METTL15: variants seen among roughly 807,000 people sequenced by gnomAD.
METTL15 encodes the protein 12S rRNA N(4)-cytidine methyltransferase METTL15.
Under a neutral mutation model 38.3 loss-of-function variants are expected in METTL15, and 34 were observed. The ratio of observed to expected loss-of-function variants is 0.89; its 90% CI spans 0.68 to 1.18. The LOEUF is 1.18. Ranked by LOEUF, METTL15 falls within the 50% of genes most tolerant of loss-of-function variation. METTL15 has a pLI of 0.00. For synonymous variants in METTL15, 162 were observed against 170.9 expected (o/e 0.95, Z 0.41); for missense variants, 438 against 498.4 (o/e 0.88, Z 1.15).
intron 3 of METTL15, among the ~76,000 whole-genome samples, chr11:28,187,678 A>G (rs1240371399): frequency 6.6e-6 from 1 of 150,970 alleles, no homozygotes; most frequent in Non-Finnish European, 1.5e-5. Flanking sequence ...GAATATGTTT[A>G]TGTTTGCTCC....
intron 3 of METTL15, among the ~76,000 whole-genome samples, chr11:28,199,120 T>C (rs1294003981): frequency 6.6e-6 from 1 of 152,134 alleles, no homozygotes; most frequent in Non-Finnish European, 1.5e-5. Context: ...GGAGGCGCAA[T>C]ATTCCCAAAG....
Position 28,489,817 on chromosome 11 carries a change from G to A in METTL15, c.*425-36661G>A, listed in dbSNP as rs547621131. ...AGAATTTCAGCAAGGATTAGATGAAGAAAATGGAGAGAAATTCAAGCTGGC... is the reference window on the plus strand; with the variant it reads ...AGAATTTCAGCAAGGATTAGATGAAAAAAATGGAGAGAAATTCAAGCTGGC... On this transcript the variant is annotated intron_variant and NMD_transcript_variant, in intron 6 of 7. Coordinates refer to the METTL15 transcript ENST00000532947. Among the ~76,000 whole-genome samples the A allele has an allele frequency of 1.4e-4, 22 of 152,230 alleles. No homozygotes were observed. The South Asian group carries it at 4.6e-3, about 32-fold the overall frequency.
intron 6 of METTL15, among the ~76,000 whole-genome samples, chr11:28,492,532 A>ACC (rs1055693083): frequency 3.3e-5 from 5 of 151,762 alleles, no homozygotes; most frequent in African/African-American, 1.2e-4. Context: ...ACACACACAC[A>ACC]CACACACACA....
chr11:28,373,224 T>G (rs376234762), intron 5 of METTL15, among the ~76,000 whole-genome samples: 5 of 152,098 alleles, frequency 3.3e-5, no homozygotes, highest in African/African-American at 4.8e-5. Context: ...TGAACTAGTT[T>G]ACAGTCCCAC....
intron 4 of METTL15, among the ~76,000 whole-genome samples, chr11:28,246,663 A>G (rs1228472000): frequency 6.6e-6 from 1 of 152,150 alleles, no homozygotes; most frequent in Non-Finnish European, 1.5e-5. Context: ...TACCATGACA[A>G]CAAGGGAAAA....
chr11:28,167,183 G>A (rs1436009111), intron 3 of METTL15, among the ~76,000 whole-genome samples: 6 of 151,898 alleles, frequency 4.0e-5, no homozygotes, highest in South Asian at 2.1e-4. Context: ...TTATTACAGC[G>A]GGAGTTAGGA....
chr11:28,482,525 C>T (rs79509437), intron 6 of METTL15, among the ~76,000 whole-genome samples: 1,626 of 152,288 alleles, frequency 0.011, 22 homozygotes, highest in Non-Finnish European at 0.019. Context: ...TCCTAATTCT[C>T]GTTATTAGTA....
intron 6 of METTL15, among the ~76,000 whole-genome samples, chr11:28,476,775 G>A (rs1000578256): frequency 8.5e-5 from 13 of 152,140 alleles, no homozygotes; most frequent in African/African-American, 3.1e-4. Context: ...GTGATCTATG[G>A]TGTAGCTTAG....
chr11:28,212,127 A>G (rs1852667611), intron 4 of METTL15, among the ~76,000 whole-genome samples: 1 of 152,022 alleles, frequency 6.6e-6, no homozygotes, highest in South Asian at 2.1e-4. Context: ...CGTCATCTAG[A>G]ATAGTATTTA....
At chr11:28,364,881 C>G (rs1850171394) in intron 5 of METTL15, among the ~76,000 whole-genome samples, 1 of 152,114 alleles carries the variant, frequency 6.6e-6, no homozygotes, top group South Asian at 2.1e-4. Context: ...GAGTTTTGAT[C>G]ATGAAGGAAA....
chr11:28,229,967 C>T (rs1010171228), intron 4 of METTL15, among the ~76,000 whole-genome samples: 2 of 151,834 alleles, frequency 1.3e-5, no homozygotes, highest in African/African-American at 2.4e-5. Flanking sequence ...GTCTTCTATT[C>T]TTTGACCCTC....
intron 6 of METTL15, among the ~76,000 whole-genome samples, chr11:28,510,215 A>G (rs1590399059): frequency 6.6e-6 from 1 of 152,346 alleles, no homozygotes; most frequent in East Asian, 1.9e-4. Flanking sequence ...GGAAATTATA[A>G]GAAGATCTGC....
intron 3 of METTL15, among the ~76,000 whole-genome samples, chr11:28,125,139 TATC>T (rs915149923): frequency 1.3e-5 from 2 of 152,112 alleles, no homozygotes; most frequent in African/African-American, 2.4e-5. Context: ...ATTTTTGTAA[TATC>T]ATGTTAGTAA....
At chr11:28,359,157 C>T (rs981262839) in intron 4 of METTL15, among the ~76,000 whole-genome samples, 10 of 152,112 alleles carry the variant, frequency 6.6e-5, no homozygotes, top group African/African-American at 2.4e-4. Context: ...AATGTTTACC[C>T]CTCACTTAGA....
chr11:28,181,361 A>G (rs1318285656), intron 3 of METTL15, among the ~76,000 whole-genome samples: 1 of 149,624 alleles, frequency 6.7e-6, no homozygotes, highest in Non-Finnish European at 1.5e-5. Context: ...ATACTCATCA[A>G]CCCGTCATCT....
intron 6 of METTL15, among the ~76,000 whole-genome samples, chr11:28,495,602 G>T (rs542920764): frequency 1.3e-5 from 2 of 152,184 alleles, no homozygotes; most frequent in East Asian, 3.9e-4. Context: ...ATATGTTTCA[G>T]TTATTCATAT....
intron 3 of METTL15, among the ~76,000 whole-genome samples, chr11:28,194,687 G>T (rs1048193626): frequency 4.6e-5 from 7 of 152,118 alleles, no homozygotes; most frequent in African/African-American, 1.7e-4. Flanking sequence ...CTGTCAGAAA[G>T]AAAGATTAAA....
intron 5 of METTL15, among the ~76,000 whole-genome samples, chr11:28,369,495 C>T (rs1850221970): frequency 6.6e-6 from 1 of 151,990 alleles, no homozygotes; most frequent in African/African-American, 2.4e-5. Context: ...CCACAAGATA[C>T]ATTATAATCA....
intron 5 of METTL15, among the ~76,000 whole-genome samples, chr11:28,418,942 G>T (rs1190132494): frequency 6.6e-6 from 1 of 152,170 alleles, no homozygotes; most frequent in African/African-American, 2.4e-5. Context: ...TGCCACTGTG[G>T]GCTAAAGTGT....
Sources: allele counts gnomAD v4.1 joint callset (sites outside exome capture counted in the v4.1 genomes callset), GRCh38; gene constraint gnomAD v4.1.1; transcripts MANE v1.5; gene names NCBI Gene and HGNC (gene_info 2026-07-23, HGNC 2026-07-21).